WSB2: variants seen among roughly 807,000 people sequenced by gnomAD.
The protein encoded by WSB2 is WD repeat and SOCS box containing 2, also known as WD repeat and SOCS box-containing protein 2.
A neutral mutation model predicts 48.8 loss-of-function variants in WSB2; 12 were observed. The observed-to-expected ratio is 0.25, with a 90% CI of 0.16 to 0.40. WSB2 has a LOEUF of 0.40. WSB2 is among the 10% of genes least tolerant of loss of function. WSB2 has a pLI of 1.00. For missense variants in WSB2, 317 were observed against 506.2 expected (o/e 0.63, Z 3.59); for synonymous variants, 191 against 203.1 (o/e 0.94, Z 0.51).
intron 2 of WSB2, among the ~76,000 whole-genome samples, chr12:118,045,144 A>C (rs1212013582): frequency 6.6e-6 from 1 of 152,042 alleles, no homozygotes; most frequent in African/African-American, 2.4e-5. Flanking sequence ...TGGGAGGCCA[A>C]GGTGGGCAGA....
intron 1 of WSB2, among the ~76,000 whole-genome samples, chr12:118,058,947 C>T (rs2032013407): frequency 6.6e-6 from 1 of 152,118 alleles, no homozygotes; most frequent in Admixed American, 6.6e-5. Flanking sequence ...CTGCCCGCCT[C>T]AGCCTCCCAA....
At chr12:118,038,233 A>G (rs1364171542) in intron 5 of WSB2, 55 bp downstream of exon 5, 3 of 1,534,008 alleles carry the variant, frequency 2.0e-6, no homozygotes, top group Admixed American at 1.9e-5. Context: ...ACACCAGGCC[A>G]CCACTTCAGA....
intron 4 of WSB2, among the ~76,000 whole-genome samples, chr12:118,038,686 T>G (rs2031565859): frequency 6.6e-6 from 1 of 152,190 alleles, no homozygotes; most frequent in Admixed American, 6.5e-5. Context: ...TTTTGTTGTT[T>G]GTTTCTGAGA....
At chr12:118,050,510 G>A (rs141679574) in intron 2 of WSB2, among the ~76,000 whole-genome samples, 2 of 151,988 alleles carry the variant, frequency 1.3e-5, no homozygotes, top group Non-Finnish European at 2.9e-5. Flanking sequence ...GCATGGTGGC[G>A]CGCCTGTAGT....
chr12:118,055,700 G>A (rs137937049), intron 1 of WSB2, among the ~76,000 whole-genome samples: 171 of 134,750 alleles, frequency 1.3e-3, no homozygotes, highest in Middle Eastern at 4.3e-3. Flanking sequence ...CTGCAACCTC[G>A]GCCTCCTGGG....
At chr12:118,053,128 ACACAT>A (rs1401576253) in intron 1 of WSB2, among the ~76,000 whole-genome samples, 1 of 152,040 alleles carries the variant, frequency 6.6e-6, no homozygotes, top group African/African-American at 2.4e-5. Flanking sequence ...TGAAATACCC[ACACAT>A]CACATCATTT....
At chr12:118,052,663 C>G (rs1425428250) in intron 1 of WSB2, 185 bp from the exon 2 acceptor site, 1 of 819,410 alleles carries the variant, frequency 1.2e-6, no homozygotes, top group East Asian at 2.7e-5. Flanking sequence ...TTACTCAATC[C>G]TGGCACTCCT....
rs2032056425 is a variant in WSB2 at position 118,061,101 on chromosome 12, C to T, written c.-53G>A. ...GCGGCGGGCGCCTCAGCCCCCCGGG[C>T]CGCGGGCCCTCATGCCGCCCCCGCG... is the stretch of plus-strand genomic sequence containing the variant. On this transcript the variant is annotated 5_prime_UTR_variant, in exon 1 of 9. Transcript: ENST00000315436. 8.2e-6 allele frequency: 8 copies of T among 980,284 alleles called. No homozygotes were observed. The Admixed American group carries it at 1.9e-4, about 23-fold the overall frequency. 60.7% of individuals were successfully genotyped at this position (980,284 alleles called of 1,614,324 possible). A position where few individuals can be genotyped will look rare whatever the true frequency, so the allele number is the denominator to read the frequency against.
In WSB2 at chr12:118,059,314, C is replaced by CT. The variant is rs201779847; in HGVS notation, c.13+1721dup. 2.5e-3 allele frequency among the ~76,000 whole-genome samples: 378 copies of CT among 151,816 alleles called. 2 individuals are homozygous for CT. The highest frequency in any genetic ancestry group is 8.6e-3 in the African/African-American group (357 of 41,446). ...TTAAATTGTCACCTAGTTCTTTTTT[C>CT]TTTTTTTTAATGTGGCTACTTGAAC... On this transcript the variant is annotated intron_variant, in intron 1 of 8. Transcript: ENST00000315436.
At chr12:118,049,274 T>C (rs915472365) in intron 2 of WSB2, among the ~76,000 whole-genome samples, 6 of 152,192 alleles carry the variant, frequency 3.9e-5, no homozygotes, top group African/African-American at 1.4e-4. Context: ...TGCAAAAATA[T>C]CATATGGAAA....
intron 4 of WSB2, among the ~76,000 whole-genome samples, chr12:118,040,818 T>C (rs918275292): frequency 3.5e-4 from 54 of 152,170 alleles, no homozygotes; most frequent in African/African-American, 1.2e-3. Flanking sequence ...GAAGCCCAGG[T>C]AGGCAGATCA....
chr12:118,040,542 C>G (rs1479675946), intron 4 of WSB2, among the ~76,000 whole-genome samples: 1 of 152,000 alleles, frequency 6.6e-6, no homozygotes, highest in African/African-American at 2.4e-5. Flanking sequence ...GGGCAGATCC[C>G]TTCAGGTCAG....
At chr12:118,056,506 T>A (rs2031959784) in intron 1 of WSB2, among the ~76,000 whole-genome samples, 1 of 152,212 alleles carries the variant, frequency 6.6e-6, no homozygotes, top group African/African-American at 2.4e-5. Flanking sequence ...AAGAACTTTG[T>A]ATATTTATCC....
At chr12:118,050,282 G>A (rs1287953417) in intron 2 of WSB2, among the ~76,000 whole-genome samples, 6 of 152,206 alleles carry the variant, frequency 3.9e-5, no homozygotes. Context: ...CAGATGCTGG[G>A]CCATCTGAAT....
chr12:118,038,191 G>T, intron 5 of WSB2, 97 bp downstream of exon 5: 1 of 1,179,840 alleles, frequency 8.5e-7, no homozygotes, highest in Non-Finnish European at 1.2e-6. Flanking sequence ...CTATTGGGGT[G>T]GATTTGCGGA....
chr12:118,051,218 C>A (rs890529348), intron 2 of WSB2, among the ~76,000 whole-genome samples: 1 of 152,116 alleles, frequency 6.6e-6, no homozygotes, highest in African/African-American at 2.4e-5. Flanking sequence ...TGTAGAGAAT[C>A]TGGAACCTGA....
At chr12:118,054,775 TG>T (rs545152439) in intron 1 of WSB2, among the ~76,000 whole-genome samples, 99 of 150,202 alleles carry the variant, frequency 6.6e-4, no homozygotes, top group Non-Finnish European at 1.2e-3. Flanking sequence ...ATAAAATAGG[TG>T]TGTGTTCCTG....
intron 6 of WSB2, 48 bp downstream of exon 6, chr12:118,036,287 TTCC>T (rs1267395888): frequency 6.3e-7 from 1 of 1,579,806 alleles, no homozygotes; most frequent in East Asian, 2.3e-5. Flanking sequence ...CCCAGGCAGG[TTCC>T]TCATCAGTCC....
chr12:118,057,776 GT>G (rs71099102), intron 1 of WSB2, among the ~76,000 whole-genome samples: 4,639 of 141,392 alleles, frequency 0.033, 102 homozygotes, highest in Middle Eastern at 0.078. Context: ...ATATATTTGG[GT>G]TTTTTTTTTT....
Sources: gnomAD v4.1 joint callset for allele counts (sites outside exome capture counted in the v4.1 genomes callset) on GRCh38, gnomAD v4.1.1 for gene constraint, MANE v1.5 for transcripts, NCBI Gene and HGNC (gene_info 2026-07-23, HGNC 2026-07-21) for gene names.